Variants in CYTH3 observed in about 807,000 individuals in gnomAD.
CYTH3 encodes cytohesin-3.
In CYTH3, 23 loss-of-function variants were observed where a neutral mutation model predicts 55.1. The observed-to-expected ratio is 0.42, with a 90% CI of 0.30 to 0.59. The LOEUF (loss-of-function observed/expected upper bound fraction) is 0.59, where lower values mean the gene tolerates loss of function less well. Among genes scored for constraint, CYTH3 ranks in the 20% least tolerant of loss-of-function variants. CYTH3 has a pLI of 0.20. For missense variants in CYTH3, 413 were observed against 524.8 expected (o/e 0.79, Z 2.08); for synonymous variants, 249 against 194.9 (o/e 1.28, Z -2.31).
intron 4 of CYTH3, among the ~76,000 whole-genome samples, chr7:6,179,676 CCACACACACCCCCCCACACACACA>C (rs1783433889): frequency 1.1e-5 from 1 of 95,120 alleles, no homozygotes; most frequent in Non-Finnish European, 2.0e-5. Context: ...CACACACACA[CCACACACACCCCCCCACACACACA>C]CCCCACACAC....
chr7:6,259,827 TATA>T (rs1562418276), intron 1 of CYTH3, among the ~76,000 whole-genome samples: 2 of 23,848 alleles, frequency 8.4e-5, no homozygotes, highest in Non-Finnish European at 1.2e-4. Context: ...TATATATATA[TATA>T]TATTTTTTTT....
At chr7:6,165,517 G>C (rs1407564382) in intron 11 of CYTH3, 28 bp downstream of exon 11, 14 of 1,612,070 alleles carry the variant, frequency 8.7e-6, no homozygotes, top group Non-Finnish European at 1.1e-5. Context: ...TGGCTGGCAG[G>C]AGAGAAGGTT....
At chr7:6,260,267 C>G (rs1780319159) in intron 1 of CYTH3, among the ~76,000 whole-genome samples, 1 of 152,114 alleles carries the variant, frequency 6.6e-6, no homozygotes, top group African/African-American at 2.4e-5. Flanking sequence ...CCAATAATTT[C>G]TTAAAACTAT....
At chr7:6,245,669 C>T (rs1775240366) in intron 1 of CYTH3, among the ~76,000 whole-genome samples, 1 of 152,238 alleles carries the variant, frequency 6.6e-6, no homozygotes, top group African/African-American at 2.4e-5. Flanking sequence ...CTTCGGGAGG[C>T]CGAGGCAGGC....
At chr7:6,267,716 G>A (rs1216818705) in intron 1 of CYTH3, among the ~76,000 whole-genome samples, 1 of 152,102 alleles carries the variant, frequency 6.6e-6, no homozygotes, top group African/African-American at 2.4e-5. Flanking sequence ...TAGAGACGGG[G>A]TTTCACCACA....
intron 1 of CYTH3, among the ~76,000 whole-genome samples, chr7:6,244,288 T>G (rs1779749968): frequency 6.6e-6 from 1 of 152,162 alleles, no homozygotes; most frequent in South Asian, 2.1e-4. Flanking sequence ...CAGGATTGAA[T>G]GACGTAACTC....
chr7:6,219,801 T>C (rs575964399), intron 1 of CYTH3, among the ~76,000 whole-genome samples: 2 of 152,154 alleles, frequency 1.3e-5, no homozygotes, highest in Non-Finnish European at 2.9e-5. Context: ...TTTTAAGAGA[T>C]AGCAAAGACC....
intron 9 of CYTH3, among the ~76,000 whole-genome samples, chr7:6,166,776 T>C (rs1783022573): frequency 6.6e-6 from 1 of 152,108 alleles, no homozygotes; most frequent in Non-Finnish European, 1.5e-5. Flanking sequence ...CTCTGGCCCC[T>C]GCCTCACTCA....
intron 1 of CYTH3, among the ~76,000 whole-genome samples, chr7:6,191,725 A>G (rs1308525110): frequency 6.6e-6 from 1 of 151,974 alleles, no homozygotes; most frequent in Non-Finnish European, 1.5e-5. Flanking sequence ...GACTTCTTAA[A>G]CAAGATAGAC....
At chr7:6,261,889 GA>G (rs1483438494) in intron 1 of CYTH3, among the ~76,000 whole-genome samples, 4 of 151,942 alleles carry the variant, frequency 2.6e-5, no homozygotes, top group Admixed American at 6.6e-5. Flanking sequence ...GGATAAAACA[GA>G]CAACAGAACA....
rs186084576 is a variant in CYTH3 at position 6,198,241 on chromosome 7, C to A, written c.35-7710G>T. On this transcript the variant is annotated intron_variant, in intron 1 of 12. Coordinates refer to ENST00000350796, the MANE Select transcript of CYTH3 (RefSeq NM_004227.4). ...CACATGAAAAGGAATAAATAAAAGGCATAGGAGTATGTGATAAAGTATTTC... is the reference window on the plus strand; with the variant it reads ...CACATGAAAAGGAATAAATAAAAGGAATAGGAGTATGTGATAAAGTATTTC... 5.9e-5 allele frequency among the ~76,000 whole-genome samples: 9 copies of A among 152,160 alleles called. No individual in the cohort carries two copies. In the East Asian group the frequency reaches 1.8e-3, roughly 30 times the overall value.
At chr7:6,270,448 T>G (rs990016958) in intron 1 of CYTH3, among the ~76,000 whole-genome samples, 2 of 152,220 alleles carry the variant, frequency 1.3e-5, no homozygotes, top group Non-Finnish European at 2.9e-5. Context: ...ATGATACACT[T>G]AAAACATTCA....
At chr7:6,219,143 A>G (rs1432542554) in intron 1 of CYTH3, among the ~76,000 whole-genome samples, 1 of 151,672 alleles carries the variant, frequency 6.6e-6, no homozygotes, top group Non-Finnish European at 1.5e-5. Flanking sequence ...CATTAAATGT[A>G]CTGCTGGTAG....
chr7:6,180,495 G>C (rs60141860), intron 4 of CYTH3, among the ~76,000 whole-genome samples: 2 of 152,170 alleles, frequency 1.3e-5, no homozygotes, highest in Non-Finnish European at 2.9e-5. Flanking sequence ...AGACCAGGAG[G>C]GTGGCAGCCG....
At chr7:6,185,948 A>C (rs1421087667) in intron 4 of CYTH3, among the ~76,000 whole-genome samples, 5 of 151,896 alleles carry the variant, frequency 3.3e-5, no homozygotes, top group African/African-American at 1.2e-4. Flanking sequence ...GAACGTTAGA[A>C]GTACAGACCG....
In CYTH3 at chr7:6,257,533, T is replaced by C. The variant is rs144206893; in HGVS notation, c.34+14941A>G. Among the ~76,000 whole-genome samples the C allele has an allele frequency of 2.2e-3, 341 of 151,836 alleles. 1 individual carries two copies. Among genetic ancestry groups the C allele is most frequent in the African/African-American group, 7.5e-3 (312 of 41,568 alleles). ...CATAAAGATTTGCCAAATGAAACAA[T>C]GTATTTCTAAGAATACGAAAACGTA... is the stretch of plus-strand genomic sequence containing the variant. On this transcript the variant is annotated intron_variant, in intron 1 of 12. Transcript: ENST00000350796.
chr7:6,199,657 GA>G (rs1421324633), intron 1 of CYTH3, among the ~76,000 whole-genome samples: 7 of 152,164 alleles, frequency 4.6e-5, no homozygotes, highest in African/African-American at 1.7e-4. Context: ...CATGCAGGGG[GA>G]AAGAAAAGAT....
At chr7:6,206,015 T>C (rs1483774489) in intron 1 of CYTH3, among the ~76,000 whole-genome samples, 1 of 151,182 alleles carries the variant, frequency 6.6e-6, no homozygotes, top group Non-Finnish European at 1.5e-5. Flanking sequence ...AGAAATCAAT[T>C]ATTAAAATAA....
At chr7:6,215,267 C>T (rs555297537) in intron 1 of CYTH3, among the ~76,000 whole-genome samples, 1 of 152,270 alleles carries the variant, frequency 6.6e-6, no homozygotes, top group Non-Finnish European at 1.5e-5. Context: ...ACTTGATAGT[C>T]CCAAAACGTA....
Sources: gnomAD v4.1 joint callset for allele counts (sites outside exome capture counted in the v4.1 genomes callset) on GRCh38, gnomAD v4.1.1 for gene constraint, MANE v1.5 for transcripts, NCBI Gene and HGNC (gene_info 2026-07-23, HGNC 2026-07-21) for gene names.